The following JMJD1C variants were observed in gnomAD, a reference collection of about 807,000 sequenced individuals.
JMJD1C encodes the protein jumonji domain-containing protein 1C.
Under a neutral mutation model 245.3 loss-of-function variants are expected in JMJD1C, and 31 were observed. The ratio of observed to expected loss-of-function variants is 0.13; its 90% CI spans 0.09 to 0.17. JMJD1C has a LOEUF of 0.17. Among genes scored for constraint, JMJD1C ranks in the 10% least tolerant of loss-of-function variants. JMJD1C has a pLI of 1.00. For missense variants in JMJD1C, 2,691 were observed against 3,000.2 expected (o/e 0.90, Z 2.41); for synonymous variants, 1,057 against 1,017.4 (o/e 1.04, Z -0.74).
At chr10:63,339,152 A>G (rs1312663729) in intron 2 of JMJD1C, among the ~76,000 whole-genome samples, 1 of 152,206 alleles carries the variant, frequency 6.6e-6, no homozygotes, top group East Asian at 1.9e-4. Flanking sequence ...CCAGCCCAAC[A>G]GGGAGAAGAT....
Position 63,189,156 on chromosome 10 carries a change from TAA to T in JMJD1C, c.6570+10_6570+11del, listed in dbSNP as rs1844472148. The T allele has an allele frequency of 6.3e-7, 1 of 1,589,984 alleles. No homozygotes were observed. The highest frequency in any genetic ancestry group is 1.8e-5 in the Admixed American group (1 of 55,766). On this transcript the variant is annotated intron_variant, in intron 18 of 25. Coordinates refer to ENST00000399262, the MANE Select transcript of JMJD1C (RefSeq NM_032776.3). The stretch of plus-strand genomic sequence containing the variant: ...CCACCAAGAGTGTTCTTTATCAGCC[TAA>T]AATACACACCTGTCCTTGTTTCCAA...
At chr10:63,430,337 A>G (rs781152347) in intron 1 of JMJD1C, among the ~76,000 whole-genome samples, 5 of 152,246 alleles carry the variant, frequency 3.3e-5, no homozygotes, top group Non-Finnish European at 5.9e-5. Flanking sequence ...GAAAACATAA[A>G]TTGGGCTTCA....
At chr10:63,478,264 T>C (rs1350770888) in intron 1 of JMJD1C, among the ~76,000 whole-genome samples, 1 of 152,162 alleles carries the variant, frequency 6.6e-6, no homozygotes, top group East Asian at 1.9e-4. Context: ...GACCCAGCAA[T>C]CCCACTTTTA....
rs757261672 is a variant in JMJD1C, at chr10:63,207,660, C to T, written c.4009G>A (p.Ala1337Thr). 6.2e-7 allele frequency: 1 copy of T among 1,613,950 alleles called. No individual in the cohort carries two copies. Among genetic ancestry groups the T allele is most frequent in the Non-Finnish European group, 8.5e-7 (1 of 1,180,016 alleles). The change falls in exon 10 of 26, where the codon GCA becomes ACA. Residue 1337 changes from alanine (A) to threonine (T), a missense_variant. Ala to Thr is a moderately conservative substitution (Grantham distance 58). Coordinates refer to ENST00000399262, the MANE Select transcript of JMJD1C (RefSeq NM_032776.3). ...AGTTTGAGGCAATCTGTTTTATGTG[C>T]CCCAGCTGAAGATCTTTCACTAACA... The part of the protein sequence containing the change: ...DRVSERSSAG[A>T]HKTDCLKLAE...
chr10:63,334,766 T>C (rs1221722210), intron 2 of JMJD1C, among the ~76,000 whole-genome samples: 1 of 144,340 alleles, frequency 6.9e-6, no homozygotes, highest in Non-Finnish European at 1.5e-5. Flanking sequence ...GTTGGAGGGG[T>C]GGCGTGATCT....
intron 3 of JMJD1C, among the ~76,000 whole-genome samples, chr10:63,253,046 T>C (rs756746523): frequency 5.3e-5 from 8 of 152,236 alleles, no homozygotes; most frequent in Non-Finnish European, 1.0e-4. Context: ...ACTCAAGACA[T>C]TGATCTGGTA....
At position 63,490,399 on chromosome 10, in the gene JMJD1C, A is replaced by G. The variant is rs1954129446; in HGVS notation, n.113+31339T>C. Among the ~76,000 whole-genome samples the G allele has an allele frequency of 2.7e-5, 4 of 149,774 alleles. No individual in the cohort carries two copies. In the Admixed American group the frequency reaches 2.7e-4, roughly 10 times the overall value. On this transcript the variant is annotated intron_variant and non_coding_transcript_variant, in intron 1 of 3. Transcript: ENST00000633035. Reference sequence around the variant, plus strand: ...TATTTCCTTCACAGCACTTAGCACAATCTATAATTATTTATTTATTTTATT... The same window carrying G: ...TATTTCCTTCACAGCACTTAGCACAGTCTATAATTATTTATTTATTTTATT...
intron 1 of JMJD1C, among the ~76,000 whole-genome samples, chr10:63,401,365 T>C (rs994333667): frequency 3.9e-5 from 6 of 152,110 alleles, no homozygotes; most frequent in African/African-American, 9.7e-5. Flanking sequence ...TTGTCGAAAA[T>C]TGTTGTGTTT....
At chr10:63,268,071 G>GAT (rs1855835986) in intron 2 of JMJD1C, among the ~76,000 whole-genome samples, 1 of 151,536 alleles carries the variant, frequency 6.6e-6, no homozygotes, top group Non-Finnish European at 1.5e-5. Context: ...TATGTCTGCA[G>GAT]TCTTAGTTTC....
intron 5 of JMJD1C, among the ~76,000 whole-genome samples, chr10:63,216,593 A>G (rs919632571): frequency 6.6e-6 from 1 of 151,932 alleles, no homozygotes; most frequent in Admixed American, 6.6e-5. Flanking sequence ...GCCTGTAGTC[A>G]CAGCTACTCG....
intron 1 of JMJD1C, among the ~76,000 whole-genome samples, chr10:63,512,400 T>C (rs1246093878): frequency 6.6e-6 from 1 of 152,180 alleles, no homozygotes; most frequent in Non-Finnish European, 1.5e-5. Context: ...ACAAATTCCC[T>C]CAATTTTCAC....
chr10:63,439,100 C>T (rs1200721410), intron 1 of JMJD1C, among the ~76,000 whole-genome samples: 1 of 152,150 alleles, frequency 6.6e-6, no homozygotes, highest in Non-Finnish European at 1.5e-5. Flanking sequence ...TCTTTAACTG[C>T]TATCCAACAC....
chr10:63,289,884 A>C (rs567497445), intron 2 of JMJD1C, among the ~76,000 whole-genome samples: 15 of 152,202 alleles, frequency 9.9e-5, no homozygotes, highest in African/African-American at 3.6e-4. Flanking sequence ...TACAGGCAAA[A>C]ATTCCAAGAT....
chr10:63,230,381 T>C (rs575405508), intron 3 of JMJD1C, among the ~76,000 whole-genome samples: 1 of 152,124 alleles, frequency 6.6e-6, no homozygotes, highest in East Asian at 1.9e-4. Flanking sequence ...TCGAAAAAAT[T>C]CCACCACTTC....
intron 1 of JMJD1C, among the ~76,000 whole-genome samples, chr10:63,503,426 A>G (rs995628994): frequency 6.6e-6 from 1 of 152,216 alleles, no homozygotes; most frequent in African/African-American, 2.4e-5. Flanking sequence ...TAGTGGAAAA[A>G]ACAATTTAAG....
In JMJD1C at chr10:63,219,982, T is replaced by A. The variant is rs771586687; in HGVS notation, c.449A>T (p.Asp150Val). The A allele has an allele frequency of 6.2e-7, 1 of 1,607,802 alleles. No individual in the cohort carries two copies. The highest frequency in any genetic ancestry group is 8.5e-7 in the Non-Finnish European group (1 of 1,175,292). The change falls in exon 4 of 26, where the codon GAC (aspartate) becomes GTC (valine). Residue 150 changes from aspartate (D) to valine (V), a missense_variant and splice_region_variant. Around this residue, in one of 9 missense-constraint regions of JMJD1C, gnomAD observed 172 missense variants for 240.8 expected, o/e 0.71. Coordinates refer to ENST00000399262, the MANE Select transcript of JMJD1C (RefSeq NM_032776.3). The stretch of plus-strand genomic sequence containing the variant: ...AACTGGGTTTAGGCTGTCTATGTCG[T>A]CCTAGAATTATAGATTAAAAGAAAG... ...TEDSAFQPYQ[D>V]DIDSLNPVLR... is the part of the protein sequence containing the mutation.
rs117092130 is a variant in JMJD1C, at chr10:63,315,944, A to C, written c.334-51180T>G. 2.1e-3 allele frequency among the ~76,000 whole-genome samples: 312 copies of C among 152,104 alleles called. 6 individuals carry two copies. In the East Asian group the frequency reaches 0.024, roughly 12 times the overall value. ...AGCACTTTGGGAGGCTGAGATGGAC[A>C]GAGTACATGAGCCCAGGAGTTCAAA... On this transcript the variant is annotated intron_variant, in intron 2 of 25. Coordinates refer to ENST00000399262, the MANE Select transcript of JMJD1C (RefSeq NM_032776.3).
chr10:63,413,648 A>C (rs1331186013), intron 1 of JMJD1C, among the ~76,000 whole-genome samples: 1 of 152,232 alleles, frequency 6.6e-6, no homozygotes, highest in East Asian at 1.9e-4. Context: ...TCAAGCGATA[A>C]GATAATGAAA....
In JMJD1C at chr10:63,190,999, T is replaced by C; in HGVS notation, c.6186A>G (p.Gln2062=). Residue 2062 remains glutamine (Q), a synonymous_variant, in exon 17 of 26, where the codon CAA becomes CAG. Coordinates refer to ENST00000399262, the MANE Select transcript of JMJD1C (RefSeq NM_032776.3). ...TCAGCAAATCCCGTAAGGTTGAGCCTTGTTCATTATTCTGGGACACAAGAG... is the reference window on the plus strand; with the variant it reads ...TCAGCAAATCCCGTAAGGTTGAGCCCTGTTCATTATTCTGGGACACAAGAG... ...TSPLVSQNNE[Q]GSTLRDLLTT... 1 of 1,614,192 alleles carries C rather than the reference T, an allele frequency of 6.2e-7. No homozygotes were observed. The highest frequency in any genetic ancestry group is 8.5e-7 in the Non-Finnish European group (1 of 1,179,998).
Sources: gnomAD v4.1 joint callset for allele counts (sites outside exome capture counted in the v4.1 genomes callset) on GRCh38, gnomAD v4.1.1 for gene constraint, gnomAD v4.1.1 regional missense constraint, MANE v1.5 for transcripts, NCBI Gene and HGNC (gene_info 2026-07-23, HGNC 2026-07-21) for gene names.